The following MICU3 variants were observed in gnomAD, a reference collection of about 807,000 sequenced individuals.
The protein encoded by MICU3 is mitochondrial calcium uptake 3.
A neutral mutation model predicts 66.5 loss-of-function variants in MICU3; 62 were observed. The observed-to-expected ratio is 0.93, with a 90% CI of 0.76 to 1.15. The LOEUF is 1.15. Among genes scored for constraint, MICU3 ranks in the 50% most tolerant of loss-of-function variants. The pLI is 0.00. For synonymous variants in MICU3, 308 were observed against 240.7 expected (o/e 1.28, Z -2.59); for missense variants, 779 against 664.4 (o/e 1.17, Z -1.90).
chr8:17,106,089 T>G (rs1801713433), intron 11 of MICU3, among the ~76,000 whole-genome samples: 1 of 152,074 alleles, frequency 6.6e-6, no homozygotes, highest in African/African-American at 2.4e-5. Context: ...GATTGCCTAT[T>G]TGTTTAGTAA....
At chr8:17,119,804 T>C (rs1803054246) in intron 14 of MICU3, among the ~76,000 whole-genome samples, 1 of 152,156 alleles carries the variant, frequency 6.6e-6, no homozygotes, top group Non-Finnish European at 1.5e-5. Flanking sequence ...GGAACCCATT[T>C]TGGGAAATAC....
intron 11 of MICU3, among the ~76,000 whole-genome samples, chr8:17,107,071 A>G (rs747662385): frequency 1.3e-5 from 2 of 152,094 alleles, no homozygotes; most frequent in Non-Finnish European, 2.9e-5. Flanking sequence ...AGCATCTACT[A>G]TTTACTTGGC....
intron 1 of MICU3, among the ~76,000 whole-genome samples, chr8:17,036,703 A>G (rs1007729335): frequency 1.3e-5 from 2 of 152,188 alleles, no homozygotes; most frequent in African/African-American, 2.4e-5. Context: ...CCTGAGCTAG[A>G]TATAAAGACT....
chr8:17,079,376 GAT>G (rs1422837178), intron 4 of MICU3, among the ~76,000 whole-genome samples: 1 of 152,036 alleles, frequency 6.6e-6, no homozygotes, highest in African/African-American at 2.4e-5. Context: ...ATATTAATTA[GAT>G]CATCAGGGTG....
At chr8:17,099,685 T>C (rs942264764) in intron 9 of MICU3, among the ~76,000 whole-genome samples, 1 of 151,854 alleles carries the variant, frequency 6.6e-6, no homozygotes, top group East Asian at 1.9e-4. Flanking sequence ...ACAGATATTT[T>C]AGAAGCACTT....
chr8:17,071,505 C>G (rs1310905287), intron 3 of MICU3, among the ~76,000 whole-genome samples: 2 of 151,918 alleles, frequency 1.3e-5, no homozygotes, highest in Non-Finnish European at 2.9e-5. Context: ...AAGAAAGGTC[C>G]TCTCTGCAAA....
chr8:17,127,269 T>C (rs1372092883), downstream of MICU3, among the ~76,000 whole-genome samples: 1 of 152,210 alleles, frequency 6.6e-6, no homozygotes, highest in African/African-American at 2.4e-5. Flanking sequence ...AGTGAGTATC[T>C]TATGTACCAT....
At chr8:17,049,527 T>G in intron 1 of MICU3, 1 of 502,574 alleles carries the variant, frequency 2.0e-6, no homozygotes, top group South Asian at 1.5e-5. Flanking sequence ...TTTGTCCATT[T>G]TATAGTTGAA....
At chr8:17,107,415 A>G (rs1241722937) in intron 11 of MICU3, among the ~76,000 whole-genome samples, 1 of 152,138 alleles carries the variant, frequency 6.6e-6, no homozygotes, top group Admixed American at 6.6e-5. Flanking sequence ...CAAAAGGTAA[A>G]GTAAGTGGAC....
At chr8:17,081,945 A>G (rs889201948) in intron 5 of MICU3, 4 of 362,112 alleles carry the variant, frequency 1.1e-5, no homozygotes, top group South Asian at 2.9e-5. Context: ...ATAGTAATAA[A>G]TGCTCATAAA....
At chr8:17,043,905 T>C (rs1814632940) in intron 1 of MICU3, among the ~76,000 whole-genome samples, 1 of 152,210 alleles carries the variant, frequency 6.6e-6, no homozygotes, top group Non-Finnish European at 1.5e-5. Flanking sequence ...GAGTTATAAG[T>C]ACAAATATTG....
chr8:17,091,495 C>T (rs533156824), intron 8 of MICU3, among the ~76,000 whole-genome samples: 1 of 152,112 alleles, frequency 6.6e-6, no homozygotes, highest in South Asian at 2.1e-4. Context: ...GTATTGTCTC[C>T]TGTATTGGAT....
At chr8:17,074,221 G>A (rs753027703) in intron 3 of MICU3, among the ~76,000 whole-genome samples, 7 of 151,876 alleles carry the variant, frequency 4.6e-5, no homozygotes, top group Admixed American at 1.3e-4. Context: ...GTTTGGTAAT[G>A]ATGCCATTGC....
chr8:17,060,760 C>G (rs182850362), intron 1 of MICU3, among the ~76,000 whole-genome samples: 9 of 151,624 alleles, frequency 5.9e-5, no homozygotes, highest in Admixed American at 3.9e-4. Flanking sequence ...CACCAGGCCT[C>G]TGGTTATCTC....
intron 1 of MICU3, among the ~76,000 whole-genome samples, chr8:17,051,177 A>G (rs1228448066): frequency 6.6e-5 from 10 of 152,140 alleles, no homozygotes; most frequent in African/African-American, 2.4e-4. Context: ...TTCTGAAGTC[A>G]GCTACAGTAT....
At chr8:17,061,457 G>A (rs550065513) in intron 1 of MICU3, among the ~76,000 whole-genome samples, 1 of 152,176 alleles carries the variant, frequency 6.6e-6, no homozygotes, top group Non-Finnish European at 1.5e-5. Context: ...TATGCTTAAG[G>A]AAAGAAAGTT....
At chr8:17,107,495 G>C (rs1030611232) in intron 11 of MICU3, among the ~76,000 whole-genome samples, 1 of 152,124 alleles carries the variant, frequency 6.6e-6, no homozygotes, top group Non-Finnish European at 1.5e-5. Context: ...TGTAGGCTAA[G>C]GTAAGAAGTT....
chr8:17,131,405 A>T, the MICU3 span: 2 of 176 alleles, frequency 0.011, no homozygotes, highest in Non-Finnish European at 0.014. Flanking sequence ...CAGGGGGGCC[A>T]TCCACAGAAA....
intron 3 of MICU3, among the ~76,000 whole-genome samples, chr8:17,075,678 C>G (rs1231791875): frequency 6.6e-6 from 1 of 152,172 alleles, no homozygotes; most frequent in Non-Finnish European, 1.5e-5. Flanking sequence ...TAGATTATTA[C>G]TAAAATAAGC....
Sources: gnomAD v4.1 joint callset for allele counts (sites outside exome capture counted in the v4.1 genomes callset) on GRCh38, gnomAD v4.1.1 for gene constraint, MANE v1.5 for transcripts, NCBI Gene and HGNC (gene_info 2026-07-23, HGNC 2026-07-21) for gene names.